The following GALNT17 variants were observed in gnomAD, a reference collection of about 807,000 sequenced individuals.
The protein encoded by GALNT17 is polypeptide N-acetylgalactosaminyltransferase 17.
GALNT17 carries 29 observed loss-of-function variants against 63.7 expected under a neutral mutation model. The observed-to-expected ratio is 0.46, with a 90% CI of 0.34 to 0.62. The LOEUF (loss-of-function observed/expected upper bound fraction) is 0.62. Ranked by LOEUF, GALNT17 falls within the 20% of genes least tolerant of loss-of-function variation. The probability of loss-of-function intolerance (pLI) is 0.01; values close to 1 mark genes in which losing one functional copy is unlikely to be tolerated. For missense variants in GALNT17, 603 were observed against 799.6 expected (o/e 0.75, Z 2.97); for synonymous variants, 305 against 318.3 (o/e 0.96, Z 0.45).
intron 1 of GALNT17, among the ~76,000 whole-genome samples, chr7:71,256,254 C>A (rs182246262): frequency 8.5e-5 from 13 of 152,314 alleles, no homozygotes; most frequent in African/African-American, 3.1e-4. Context: ...TGATTGATGC[C>A]TGTTGTCTCC....
At chr7:71,451,123 T>C (rs4236250) in intron 5 of GALNT17, among the ~76,000 whole-genome samples, 79,759 of 151,508 alleles carry the variant, frequency 0.53, 23,019 homozygotes, top group Non-Finnish European at 0.66. Flanking sequence ...ATGTTCCCCT[T>C]CCTGTGTCCA....
intron 5 of GALNT17, among the ~76,000 whole-genome samples, chr7:71,468,486 G>A (rs901694721): frequency 4.6e-5 from 7 of 151,696 alleles, no homozygotes; most frequent in Admixed American, 2.6e-4. Flanking sequence ...GTGCCACCTC[G>A]GATCACTGCA....
chr7:71,705,927 G>A (rs1791716962), intron 9 of GALNT17, among the ~76,000 whole-genome samples: 1 of 152,154 alleles, frequency 6.6e-6, no homozygotes, highest in Non-Finnish European at 1.5e-5. Context: ...CTCAAGGAAG[G>A]AGCATGAGGG....
intron 1 of GALNT17, among the ~76,000 whole-genome samples, chr7:71,149,160 C>T (rs1193382147): frequency 2.0e-5 from 3 of 152,016 alleles, no homozygotes; most frequent in Non-Finnish European, 2.9e-5. Flanking sequence ...CTCAAGCAGT[C>T]CTCCTGCCTC....
chr7:71,301,517 C>T (rs1791198094), intron 1 of GALNT17, among the ~76,000 whole-genome samples: 2 of 150,636 alleles, frequency 1.3e-5, no homozygotes, highest in African/African-American at 4.9e-5. Context: ...TTTACTTTTG[C>T]CATTGTGTTG....
chr7:71,221,503 C>T (rs1213886035), intron 1 of GALNT17, among the ~76,000 whole-genome samples: 4 of 151,488 alleles, frequency 2.6e-5, no homozygotes, highest in East Asian at 3.9e-4. Context: ...GAATTCCACT[C>T]GGCTGACTTC....
chr7:71,265,065 A>T (rs1184959905), intron 1 of GALNT17, among the ~76,000 whole-genome samples: 1 of 140,836 alleles, frequency 7.1e-6, no homozygotes, highest in African/African-American at 2.6e-5. Flanking sequence ...CATTTGATGC[A>T]TGTAACAAAA....
chr7:71,539,593 T>A (rs1043278791), intron 5 of GALNT17, among the ~76,000 whole-genome samples: 2 of 151,998 alleles, frequency 1.3e-5, no homozygotes, highest in African/African-American at 4.8e-5. Context: ...TTATAGCACC[T>A]CCGATGTGTC....
chr7:71,490,263 A>G (rs915706567), intron 5 of GALNT17, among the ~76,000 whole-genome samples: 1 of 151,822 alleles, frequency 6.6e-6, no homozygotes, highest in Non-Finnish European at 1.5e-5. Context: ...TCTCAAAAAA[A>G]AAAAAAAGAA....
At chr7:71,691,832 T>A (rs1791446890) in intron 9 of GALNT17, among the ~76,000 whole-genome samples, 1 of 152,176 alleles carries the variant, frequency 6.6e-6, no homozygotes, top group Non-Finnish European at 1.5e-5. Flanking sequence ...TGAAAGTCAC[T>A]TCTGCTCCTC....
intron 5 of GALNT17, among the ~76,000 whole-genome samples, chr7:71,462,825 G>A (rs2042538787): frequency 6.6e-6 from 1 of 152,186 alleles, no homozygotes; most frequent in African/African-American, 2.4e-5. Flanking sequence ...TGGGAGGCAG[G>A]TTTGCCGCAA....
At chr7:71,638,212 G>A (rs1044826674) in intron 6 of GALNT17, among the ~76,000 whole-genome samples, 2 of 152,160 alleles carry the variant, frequency 1.3e-5, no homozygotes, top group African/African-American at 4.8e-5. Context: ...AAGACCAGAG[G>A]TCACTCTCAT....
At chr7:71,457,946 A>G (rs1299079241) in intron 5 of GALNT17, among the ~76,000 whole-genome samples, 2 of 152,076 alleles carry the variant, frequency 1.3e-5, no homozygotes, top group African/African-American at 4.8e-5. Flanking sequence ...TTTTATCCAG[A>G]ACAGCAGGCA....
chr7:71,398,512 A>AT (rs1793180756), intron 3 of GALNT17, among the ~76,000 whole-genome samples: 1 of 152,078 alleles, frequency 6.6e-6, no homozygotes, highest in African/African-American at 2.4e-5. Flanking sequence ...TGTTAATAAT[A>AT]TTTTTTGTTT....
At chr7:71,371,982 G>C (rs1792631924) in intron 2 of GALNT17, among the ~76,000 whole-genome samples, 1 of 152,028 alleles carries the variant, frequency 6.6e-6, no homozygotes, top group South Asian at 2.1e-4. Flanking sequence ...CTTAGAATTA[G>C]AGTTATTATG....
chr7:71,288,858 G>T (rs1562972891), intron 1 of GALNT17, among the ~76,000 whole-genome samples: 1 of 152,126 alleles, frequency 6.6e-6, no homozygotes, highest in Non-Finnish European at 1.5e-5. Flanking sequence ...TTCTGATGAA[G>T]GTAGCCATTC....
intron 5 of GALNT17, among the ~76,000 whole-genome samples, chr7:71,548,673 T>C (rs919854478): frequency 2.0e-5 from 3 of 152,238 alleles, no homozygotes; most frequent in African/African-American, 7.2e-5. Context: ...TCCCCAGCCA[T>C]GTGGAACTGT....
At chr7:71,447,241 C>T (rs1421102490) in intron 5 of GALNT17, among the ~76,000 whole-genome samples, 1 of 152,210 alleles carries the variant, frequency 6.6e-6, no homozygotes, top group Non-Finnish European at 1.5e-5. Flanking sequence ...TTTTGTCCAA[C>T]ATGGCTACAA....
intron 2 of GALNT17, among the ~76,000 whole-genome samples, chr7:71,339,947 G>C (rs961764702): frequency 3.9e-5 from 6 of 152,310 alleles, no homozygotes; most frequent in East Asian, 3.9e-4. Flanking sequence ...AACAGGTTGG[G>C]TGATGATCAC....
Sources: allele counts gnomAD v4.1 joint callset (sites outside exome capture counted in the v4.1 genomes callset), GRCh38; gene constraint gnomAD v4.1.1; transcripts MANE v1.5; gene names NCBI Gene and HGNC (gene_info 2026-07-23, HGNC 2026-07-21).